The following PARN variants were observed in gnomAD, a reference collection of about 807,000 sequenced individuals.
PARN encodes poly(A)-specific ribonuclease PARN.
A neutral mutation model predicts 102.8 loss-of-function variants in PARN; 71 were observed. The observed-to-expected ratio is 0.69, with a 90% CI of 0.57 to 0.84. PARN has a LOEUF of 0.84. PARN is among the 40% of genes least tolerant of loss of function. The probability of loss-of-function intolerance (pLI) is 0.00; values close to 1 mark genes in which losing one functional copy is unlikely to be tolerated. For synonymous variants in PARN, 261 were observed against 252.9 expected (o/e 1.03, Z -0.30); for missense variants, 782 against 760.9 (o/e 1.03, Z -0.33).
chr16:14,586,359 G>T lies in PARN; in HGVS notation c.921C>A (p.Asp307Glu). The change falls in exon 14 of 24, where the codon GAC becomes GAA. Residue 307 changes from aspartate to glutamate, a missense_variant and splice_region_variant. Coordinates refer to ENST00000437198, the MANE Select transcript of PARN (RefSeq NM_002582.4). ...TTGTCATCTCTTTAAACTCACTTAA[G>T]TCCTAAAGAACAAGAGAAGGACTTG... ...VHQFYCPLPA[D>E]LSEFKEMTTC... 6.6e-7 allele frequency: 1 copy of T among 1,523,848 alleles called. No homozygotes were observed. Among genetic ancestry groups the T allele is most frequent in the Non-Finnish European group, 8.9e-7 (1 of 1,118,934 alleles). The allele number at this position is 1,523,848 out of a possible 1,614,324, so 94.4% of individuals were successfully genotyped here.
intron 22 of PARN, among the ~76,000 whole-genome samples, chr16:14,462,558 C>T (rs1962050634): frequency 6.6e-6 from 1 of 152,046 alleles, no homozygotes; most frequent in Admixed American, 6.5e-5. Flanking sequence ...CATAACACTT[C>T]CAAGGCCCAT....
At chr16:14,530,596 C>G (rs573627527) in intron 21 of PARN, among the ~76,000 whole-genome samples, 37 of 152,106 alleles carry the variant, frequency 2.4e-4, no homozygotes, top group Non-Finnish European at 4.0e-4. Context: ...CTAACTTCTT[C>G]CATTTTATTA....
intron 12 of PARN, among the ~76,000 whole-genome samples, chr16:14,596,234 G>A (rs1970502204): frequency 6.6e-6 from 1 of 152,060 alleles, no homozygotes; most frequent in Non-Finnish European, 1.5e-5. Context: ...AAGAATACCA[G>A]AAAGCAAAGA....
At chr16:14,601,757 T>C (rs1355543867) in intron 11 of PARN, 1 of 151,688 alleles carries the variant, frequency 6.6e-6, no homozygotes, top group African/African-American at 2.4e-5. Flanking sequence ...ACCCCGTCTC[T>C]ACTAAAAATA....
At chr16:14,481,193 A>G (rs751999750) in intron 22 of PARN, among the ~76,000 whole-genome samples, 9 of 152,194 alleles carry the variant, frequency 5.9e-5, no homozygotes, top group Non-Finnish European at 1.3e-4. Flanking sequence ...CATTCACAGC[A>G]GCCTTACTGA....
chr16:14,627,065 T>C lies in PARN; in HGVS notation c.327+41A>G, dbSNP rs373530022. On this transcript the variant is annotated intron_variant, in intron 5 of 23. Coordinates refer to ENST00000437198, the MANE Select transcript of PARN (RefSeq NM_002582.4). The stretch of plus-strand genomic sequence containing the variant: ...GATTTCACATTTCCATGCTGCCTCA[T>C]CAGCAATTCAGAAAAGAAAAATCTC... The C allele has an allele frequency of 1.2e-4, 134 of 1,116,322 alleles. 4 individuals are homozygous for C. Among genetic ancestry groups the C allele is most frequent in the Middle Eastern group, 1.9e-4 (1 of 5,144 alleles). The allele number at this position is 1,116,322 out of a possible 1,614,324, so 69.2% of individuals were successfully genotyped here.
intron 18 of PARN, among the ~76,000 whole-genome samples, chr16:14,557,028 T>C (rs865892121): frequency 7.2e-5 from 11 of 152,218 alleles, no homozygotes; most frequent in South Asian, 2.1e-4. Context: ...TGCTTGTAAA[T>C]TACAACTCTC....
chr16:14,449,253 T>C (rs1283605994), intron 22 of PARN, among the ~76,000 whole-genome samples: 1 of 152,128 alleles, frequency 6.6e-6, no homozygotes, highest in Non-Finnish European at 1.5e-5. Flanking sequence ...ATGATAACAG[T>C]GGTATCTCTA....
chr16:14,571,886 G>A (rs985407511), intron 18 of PARN, among the ~76,000 whole-genome samples: 10 of 152,244 alleles, frequency 6.6e-5, no homozygotes, highest in Non-Finnish European at 1.3e-4. Flanking sequence ...ACTATACTAC[G>A]CTCCACAAGA....
chr16:14,554,773 G>C (rs938091186), intron 19 of PARN, among the ~76,000 whole-genome samples: 1 of 151,058 alleles, frequency 6.6e-6, no homozygotes, highest in South Asian at 2.1e-4. Flanking sequence ...AAAAAAAAAC[G>C]CTGCTCTGTT....
intron 21 of PARN, among the ~76,000 whole-genome samples, chr16:14,508,557 T>G (rs904255607): frequency 6.6e-6 from 1 of 152,080 alleles, no homozygotes; most frequent in African/African-American, 2.4e-5. Flanking sequence ...AGACACTCTG[T>G]AATAACCAGA....
At chr16:14,571,622 C>A (rs7200272) in intron 18 of PARN, among the ~76,000 whole-genome samples, 2 of 152,002 alleles carry the variant, frequency 1.3e-5, no homozygotes, top group African/African-American at 2.4e-5. Context: ...CTCCTTCTGT[C>A]CCCCACATCT....
intron 23 of PARN, among the ~76,000 whole-genome samples, chr16:14,442,431 C>T (rs1449249449): frequency 1.3e-5 from 2 of 152,102 alleles, no homozygotes; most frequent in Non-Finnish European, 2.9e-5. Flanking sequence ...CACTACCAAT[C>T]AACAGTCATA....
Position 14,606,948 on chromosome 16 carries a change from A to AT in PARN, c.660-423dup, listed in dbSNP as rs1242640647. Among the ~76,000 whole-genome samples the AT allele has an allele frequency of 5.3e-5, 8 of 151,792 alleles. No homozygotes were observed. In the South Asian group the frequency reaches 1.7e-3, roughly 32 times the overall value. Reference sequence around the variant, plus strand: ...AGGCACCTGCCACCACACCCAGCTAATTTTTTGTATTTTTAGTAGAAACGG... The same window carrying AT: ...AGGCACCTGCCACCACACCCAGCTAATTTTTTTGTATTTTTAGTAGAAACGG... On this transcript the variant is annotated intron_variant, in intron 9 of 23. Transcript: ENST00000437198.
intron 10 of PARN, among the ~76,000 whole-genome samples, chr16:14,605,631 T>C (rs1189160994): frequency 6.6e-6 from 1 of 152,216 alleles, no homozygotes; most frequent in Non-Finnish European, 1.5e-5. Context: ...AAAGATAAAT[T>C]ATCTACCAAG....
At chr16:14,528,087 AT>A (rs1966105849) in intron 21 of PARN, among the ~76,000 whole-genome samples, 2 of 152,356 alleles carry the variant, frequency 1.3e-5, no homozygotes, top group African/African-American at 4.8e-5. Flanking sequence ...GACTGACTGT[AT>A]TTTTAAAACC....
At chr16:14,526,041 C>T (rs961643844) in intron 21 of PARN, among the ~76,000 whole-genome samples, 20 of 152,000 alleles carry the variant, frequency 1.3e-4, no homozygotes, top group African/African-American at 4.8e-4. Context: ...TGGTCTCAAA[C>T]TCCTGACCTT....
intron 18 of PARN, among the ~76,000 whole-genome samples, chr16:14,564,691 CAG>C (rs1307195041): frequency 1.3e-5 from 2 of 152,230 alleles, no homozygotes; most frequent in East Asian, 3.9e-4. Flanking sequence ...TAAAGAAGAA[CAG>C]AGTTTATTCT....
Position 14,610,641 on chromosome 16 carries a change from TA to T in PARN, c.554+2del, listed in dbSNP as rs764001710. 1 of 1,592,696 alleles carries T rather than the reference TA, an allele frequency of 6.3e-7. No individual in the cohort carries two copies. The highest frequency in any genetic ancestry group is 2.2e-5 in the East Asian group (1 of 44,772). On this transcript the variant is annotated splice_donor_variant, in intron 7 of 23. Coordinates refer to ENST00000437198, the MANE Select transcript of PARN (RefSeq NM_002582.4). LOFTEE classifies it high-confidence loss of function. Reference sequence around the variant, plus strand: ...CACGCTTAGTTTTAATTTAGGAACTTACACCACTTGGTCAATAAACTTCTTT... The same window carrying T: ...CACGCTTAGTTTTAATTTAGGAACTTCACCACTTGGTCAATAAACTTCTTT...
Sources: gnomAD v4.1 joint callset for allele counts (sites outside exome capture counted in the v4.1 genomes callset) on GRCh38, gnomAD v4.1.1 for gene constraint, MANE v1.5 for transcripts, NCBI Gene and HGNC (gene_info 2026-07-23, HGNC 2026-07-21) for gene names.